BRINP2: variants seen among roughly 807,000 people sequenced by gnomAD.
BRINP2 encodes BMP/retinoic acid-inducible neural-specific protein 2.
A neutral mutation model predicts 69.2 loss-of-function variants in BRINP2; 21 were observed. The ratio of observed to expected loss-of-function variants is 0.30; its 90% confidence interval spans 0.22 to 0.44. The LOEUF (loss-of-function observed/expected upper bound fraction) is 0.44. BRINP2 is among the 20% of genes least tolerant of loss of function. The pLI is 1.00. For synonymous variants in BRINP2, 380 were observed against 394.1 expected (o/e 0.96, Z 0.42); for missense variants, 877 against 986.0 (o/e 0.89, Z 1.48).
At chr1:177,248,667 C>A (rs1650475586) in intron 2 of BRINP2, among the ~76,000 whole-genome samples, 1 of 152,132 alleles carries the variant, frequency 6.6e-6, no homozygotes, top group African/African-American at 2.4e-5. Flanking sequence ...GGCTGGAAGA[C>A]CCCAGCTGTG....
intron 5 of BRINP2, among the ~76,000 whole-genome samples, chr1:177,274,355 T>A (rs1422358901): frequency 6.6e-6 from 1 of 152,232 alleles, no homozygotes; most frequent in Non-Finnish European, 1.5e-5. Flanking sequence ...AATTGTACTC[T>A]GTTTAAGATA....
At chr1:177,254,999 C>T (rs555622812) in intron 2 of BRINP2, among the ~76,000 whole-genome samples, 1 of 152,238 alleles carries the variant, frequency 6.6e-6, no homozygotes, top group East Asian at 1.9e-4. Context: ...ATAAAAAGAT[C>T]CATTCAAATT....
chr1:177,253,774 T>C (rs1650660365), intron 2 of BRINP2, among the ~76,000 whole-genome samples: 1 of 152,158 alleles, frequency 6.6e-6, no homozygotes, highest in Non-Finnish European at 1.5e-5. Flanking sequence ...GCACCATTTA[T>C]TAAAGATATT....
At chr1:177,268,549 C>T (rs770862035) in intron 4 of BRINP2, among the ~76,000 whole-genome samples, 1 of 152,202 alleles carries the variant, frequency 6.6e-6, no homozygotes, top group African/African-American at 2.4e-5. Context: ...TGGACATATG[C>T]ACCTTTTTGT....
At chr1:177,240,802 A>G (rs1001056775) in intron 2 of BRINP2, among the ~76,000 whole-genome samples, 1 of 152,188 alleles carries the variant, frequency 6.6e-6, no homozygotes, top group Admixed American at 6.5e-5. Context: ...GAAGCTTGAC[A>G]ATGTGGGACG....
Position 177,278,677 on chromosome 1 carries a change from G to A in BRINP2, c.1127G>A (p.Gly376Glu), listed in dbSNP as rs1651584263. ...CTTCAGCACCGCTACCAGCAGCTGG[G>A]AGCTGGCTTGAAAGTGCTGTTCAAA... ...TSLQHRYQQL[G>E]AGLKVLFKKT... The change falls in exon 7 of 8, where the codon GGA becomes GAA. Residue 376 changes from glycine (G) to glutamate (E), a missense_variant. Physicochemically the swap from Gly to Glu is moderately conservative, Grantham distance 98 (BLOSUM62 -2). Coordinates refer to ENST00000361539, the MANE Select transcript of BRINP2 (RefSeq NM_021165.4). 3 of 1,614,092 alleles carry A rather than the reference G, an allele frequency of 1.9e-6. No homozygotes were observed. The highest frequency in any genetic ancestry group is 2.7e-5 in the African/African-American group (2 of 74,930).
chr1:177,264,736 A>G lies in BRINP2; in HGVS notation c.669+7352A>G, dbSNP rs540249140. 4.6e-5 allele frequency among the ~76,000 whole-genome samples: 7 copies of G among 152,314 alleles called. No homozygotes were observed. The South Asian group carries it at 1.4e-3, about 32-fold the overall frequency. On this transcript the variant is annotated intron_variant, in intron 4 of 7. Coordinates refer to ENST00000361539, the MANE Select transcript of BRINP2 (RefSeq NM_021165.4). The stretch of plus-strand genomic sequence containing the variant: ...CAAAGAGAATAAAATACCTAGGAAT[A>G]CAACTTACAAGGGATGTGAAGGACC...
intron 2 of BRINP2, among the ~76,000 whole-genome samples, chr1:177,233,312 A>G (rs1419909845): frequency 6.6e-6 from 1 of 152,224 alleles, no homozygotes; most frequent in African/African-American, 2.4e-5. Flanking sequence ...CCTGTATAAT[A>G]TCGGGCAAAT....
At chr1:177,245,774 A>G (rs1317663124) in intron 2 of BRINP2, among the ~76,000 whole-genome samples, 1 of 152,102 alleles carries the variant, frequency 6.6e-6, no homozygotes, top group African/African-American at 2.4e-5. Context: ...TGTTGATTCT[A>G]TAAACACACC....
chr1:177,215,737 G>C (rs2102314103), intron 1 of BRINP2, among the ~76,000 whole-genome samples: 1 of 152,132 alleles, frequency 6.6e-6, no homozygotes, highest in Non-Finnish European at 1.5e-5. Context: ...ATGATGAATA[G>C]ACCTGGCAAG....
In BRINP2 at chr1:177,281,169, C is replaced by A. The variant is rs764250922; in HGVS notation, c.1993C>A (p.Pro665Thr). Reference sequence around the variant, plus strand: ...CTCCAATGAGACAATCTACTATGAGCCCCTGGAGATGACTGATCCCTCTAA... The same window carrying A: ...CTCCAATGAGACAATCTACTATGAGACCCTGGAGATGACTGATCCCTCTAA... The part of the protein sequence containing the change: ...DSSNETIYYE[P>T]LEMTDPSKNL... The change falls in exon 8 of 8, where the codon CCC becomes ACC. Residue 665 changes from proline (P) to threonine (T), a missense_variant. Physicochemically the swap from Pro to Thr is conservative, Grantham distance 38. This residue lies in a region of BRINP2 where 225 missense variants were observed against 218.7 expected (regional missense o/e 1.03). Transcript: ENST00000361539. The A allele has an allele frequency of 1.9e-6, 3 of 1,614,176 alleles. No individual in the cohort carries two copies. The highest frequency in any genetic ancestry group is 2.5e-6 in the Non-Finnish European group (3 of 1,180,028).
At chr1:177,263,149 G>T (rs1651011301) in intron 4 of BRINP2, among the ~76,000 whole-genome samples, 1 of 152,136 alleles carries the variant, frequency 6.6e-6, no homozygotes, top group Non-Finnish European at 1.5e-5. Context: ...GTGAAAAGTT[G>T]GTCAGGTATA....
In BRINP2 at chr1:177,276,455, CCT is replaced by C. The variant is rs773427305; in HGVS notation, c.1012+22_1012+23del. On this transcript the variant is annotated intron_variant, in intron 6 of 7. Transcript: ENST00000361539. ...GTCAGGTGAGCAGCCAGAATTCCTC[CCT>C]GTCAATGAGAGGTGGCTGTGAGGTA... The C allele has an allele frequency of 1.2e-5, 20 of 1,604,564 alleles. No individual in the cohort carries two copies. In the African/African-American group the frequency reaches 2.7e-4, roughly 21 times the overall value.
intron 1 of BRINP2, among the ~76,000 whole-genome samples, chr1:177,227,879 T>C (rs1213253178): frequency 6.6e-6 from 1 of 152,220 alleles, no homozygotes; most frequent in African/African-American, 2.4e-5. Flanking sequence ...TCATCTGTTT[T>C]AATTATTGGA....
chr1:177,252,459 A>C (rs1366767209), intron 2 of BRINP2, among the ~76,000 whole-genome samples: 1 of 152,162 alleles, frequency 6.6e-6, no homozygotes, highest in African/African-American at 2.4e-5. Flanking sequence ...TATAATTGAC[A>C]TATCCGGCAC....
intron 2 of BRINP2, among the ~76,000 whole-genome samples, chr1:177,253,045 T>A (rs957268247): frequency 6.6e-6 from 1 of 152,108 alleles, no homozygotes; most frequent in African/African-American, 2.4e-5. Context: ...CTAATTTCAG[T>A]TCCTTTGAAT....
Position 177,280,415 on chromosome 1 carries a change from C to G in BRINP2, c.1239C>G (p.Ser413=). 1 of 1,602,752 alleles carries G rather than the reference C, an allele frequency of 6.2e-7. No homozygotes were observed. Among genetic ancestry groups the G allele is most frequent in the Non-Finnish European group, 8.5e-7 (1 of 1,174,176 alleles). The change falls in exon 8 of 8, where the codon TCC becomes TCG. Residue 413 remains serine, a synonymous_variant. Transcript: ENST00000361539. Reference sequence around the variant, plus strand: ...CATTTTATCTCTGCTCCCCAAGGTCCTTGTCCTACTGGTGGAACCGAATCC... The same window carrying G: ...CATTTTATCTCTGCTCCCCAAGGTCGTTGTCCTACTGGTGGAACCGAATCC... ...QPRFRLPKER[S]LSYWWNRIQS... is the part of the protein sequence containing the mutation.
intron 1 of BRINP2, among the ~76,000 whole-genome samples, chr1:177,178,858 C>T (rs1316516730): frequency 6.6e-6 from 1 of 152,146 alleles, no homozygotes; most frequent in Non-Finnish European, 1.5e-5. Flanking sequence ...CCATTCTAGA[C>T]AGAAGGTATG....
rs1435607481 is a variant in BRINP2 at position 177,229,830 on chromosome 1, G to T, written c.-47G>T. The T allele has an allele frequency of 1.3e-6, 2 of 1,539,196 alleles. No homozygotes were observed. Among genetic ancestry groups the T allele is most frequent in the South Asian group, 1.3e-5 (1 of 79,050 alleles). On this transcript the variant is annotated 5_prime_UTR_variant, in exon 2 of 8. Transcript: ENST00000361539. ...GAGCCCTGGAGGAGCAGCACGGAGC[G>T]GGAGAGCGTGGCGAGAGAATGAAGA... is the stretch of plus-strand genomic sequence containing the variant.
Sources: gnomAD v4.1 joint callset for allele counts (sites outside exome capture counted in the v4.1 genomes callset) on GRCh38, gnomAD v4.1.1 for gene constraint, gnomAD v4.1.1 regional missense constraint, MANE v1.5 for transcripts, NCBI Gene and HGNC (gene_info 2026-07-23, HGNC 2026-07-21) for gene names.